ZFHX4: variants seen among roughly 807,000 people sequenced by gnomAD.
The protein encoded by ZFHX4 is zinc finger homeobox protein 4.
In ZFHX4, 56 loss-of-function variants were observed where a neutral mutation model predicts 267.6. The ratio of observed to expected loss-of-function variants is 0.21; its 90% CI spans 0.17 to 0.26. The LOEUF is 0.26. ZFHX4 is among the 10% of genes least tolerant of loss of function. The probability of loss-of-function intolerance (pLI) is 1.00; values close to 1 mark genes in which losing one functional copy is unlikely to be tolerated. For missense variants in ZFHX4, 4,332 were observed against 4,420.0 expected (o/e 0.98, Z 0.56); for synonymous variants, 1,778 against 1,665.6 (o/e 1.07, Z -1.64).
At chr8:76,788,360 C>A (rs1407929160) in intron 4 of ZFHX4, among the ~76,000 whole-genome samples, 1 of 152,190 alleles carries the variant, frequency 6.6e-6, no homozygotes, top group Non-Finnish European at 1.5e-5. Flanking sequence ...TGCTATACAT[C>A]CCTCATCAGT....
At chr8:76,763,802 T>TA (rs1186300476) in intron 3 of ZFHX4, among the ~76,000 whole-genome samples, 1 of 152,132 alleles carries the variant, frequency 6.6e-6, no homozygotes, top group Non-Finnish European at 1.5e-5. Context: ...ATAAGCTGCT[T>TA]AAAATGTATA....
At chr8:76,790,082 C>A (rs1810794355) in intron 4 of ZFHX4, among the ~76,000 whole-genome samples, 1 of 151,978 alleles carries the variant, frequency 6.6e-6, no homozygotes, top group Admixed American at 6.6e-5. Context: ...TATTGAAAAG[C>A]CTGGACAATT....
chr8:76,827,269 C>T (rs929077639), intron 4 of ZFHX4, among the ~76,000 whole-genome samples: 2 of 152,210 alleles, frequency 1.3e-5, no homozygotes, highest in South Asian at 4.1e-4. Context: ...TAATAGGGTT[C>T]ATGCTACTGT....
At position 76,801,114 on chromosome 8, in the gene ZFHX4, G is replaced by A. The variant is rs77204640; in HGVS notation, c.3325+22675G>A. Among the ~76,000 whole-genome samples, 1,117 of 151,892 alleles carry A rather than the reference G, an allele frequency of 7.4e-3. 19 individuals carry two copies. Among genetic ancestry groups the A allele is most frequent in the African/African-American group, 0.024 (982 of 41,428 alleles). ...TGTTCTGTAGCACACGTGAATTTTT[G>A]ACTTAATTGACTGGAGAGAATGGAC... On this transcript the variant is annotated intron_variant, in intron 4 of 10. Transcript: ENST00000651372.
chr8:76,816,741 G>A (rs191733468), intron 4 of ZFHX4, among the ~76,000 whole-genome samples: 6 of 151,830 alleles, frequency 4.0e-5, no homozygotes, highest in East Asian at 3.9e-4. Flanking sequence ...GATTACAGGC[G>A]CCTGCAACCA....
chr8:76,855,640 C>A lies in ZFHX4; in HGVS notation c.8719C>A (p.Pro2907Thr), dbSNP rs746704068. ...CAGCGAAACGTCCAGCATAGCGGACCCGAGCTCCCCAAATCCATTCGGATC... is the reference window on the plus strand; with the variant it reads ...CAGCGAAACGTCCAGCATAGCGGACACGAGCTCCCCAAATCCATTCGGATC... The part of the protein sequence containing the change: ...DRSETSSIAD[P>T]SSPNPFGSSN... Residue 2907 changes from proline to threonine, a missense_variant, in exon 10 of 11, where the codon CCG becomes ACG. Transcript: ENST00000651372. 1.2e-6 allele frequency: 2 copies of A among 1,613,746 alleles called. No homozygotes were observed. The highest frequency in any genetic ancestry group is 1.7e-6 in the Non-Finnish European group (2 of 1,179,852).
At chr8:76,755,924 A>G (rs1223171776) in intron 3 of ZFHX4, among the ~76,000 whole-genome samples, 1 of 152,152 alleles carries the variant, frequency 6.6e-6, no homozygotes, top group Non-Finnish European at 1.5e-5. Flanking sequence ...TGTGACCTCA[A>G]AATATCCTCA....
intron 5 of ZFHX4, among the ~76,000 whole-genome samples, chr8:76,837,981 T>C (rs1197793733): frequency 6.6e-6 from 1 of 152,232 alleles, no homozygotes; most frequent in African/African-American, 2.4e-5. Context: ...TTTGTGTATG[T>C]TATTCCATAA....
chr8:76,686,944 C>G (rs189763129), intron 1 of ZFHX4, among the ~76,000 whole-genome samples: 18 of 152,306 alleles, frequency 1.2e-4, no homozygotes, highest in African/African-American at 3.6e-4. Context: ...GGGTTTCCCC[C>G]CCTTCTAAGA....
intron 4 of ZFHX4, among the ~76,000 whole-genome samples, chr8:76,830,771 G>A (rs189592774): frequency 6.6e-6 from 1 of 152,232 alleles, no homozygotes; most frequent in Non-Finnish European, 1.5e-5. Flanking sequence ...ATCAAATGAA[G>A]TAACTTTAAT....
At chr8:76,741,721 A>G (rs74443612) in intron 3 of ZFHX4, among the ~76,000 whole-genome samples, 3,545 of 152,290 alleles carry the variant, frequency 0.023, 67 homozygotes, top group Non-Finnish European at 0.033. Context: ...AGACACCTTA[A>G]AAATAATCAG....
intron 3 of ZFHX4, among the ~76,000 whole-genome samples, chr8:76,746,510 A>T (rs1310906784): frequency 1.3e-5 from 2 of 152,236 alleles, no homozygotes; most frequent in Non-Finnish European, 2.9e-5. Context: ...TCATTTTCAG[A>T]ACTTCATTCT....
chr8:76,695,157 C>T (rs950332147), intron 1 of ZFHX4, among the ~76,000 whole-genome samples: 1 of 152,104 alleles, frequency 6.6e-6, no homozygotes, highest in Non-Finnish European at 1.5e-5. Flanking sequence ...AGGCACATTT[C>T]TGGAGACATT....
intron 1 of ZFHX4, among the ~76,000 whole-genome samples, chr8:76,688,997 A>G (rs535554351): frequency 1.3e-5 from 2 of 152,274 alleles, no homozygotes; most frequent in African/African-American, 4.8e-5. Flanking sequence ...ACTCTTGAGT[A>G]CAGCATATTG....
chr8:76,754,499 A>C (rs1354184151), intron 3 of ZFHX4, among the ~76,000 whole-genome samples: 1 of 152,088 alleles, frequency 6.6e-6, no homozygotes, highest in African/African-American at 2.4e-5. Flanking sequence ...AAAAAAACAA[A>C]ACAAAAAACA....
chr8:76,748,900 T>A (rs1809541006), intron 3 of ZFHX4, among the ~76,000 whole-genome samples: 2 of 152,210 alleles, frequency 1.3e-5, no homozygotes, highest in Non-Finnish European at 2.9e-5. Context: ...CCATTTCAAC[T>A]TATATAAAAG....
intron 4 of ZFHX4, among the ~76,000 whole-genome samples, chr8:76,803,549 A>G (rs1034796336): frequency 6.6e-6 from 1 of 152,124 alleles, no homozygotes; most frequent in Non-Finnish European, 1.5e-5. Flanking sequence ...AGTGGAGGAC[A>G]GTGTAGTCAA....
intron 4 of ZFHX4, among the ~76,000 whole-genome samples, chr8:76,822,870 T>C (rs565723987): frequency 1.3e-5 from 2 of 152,302 alleles, no homozygotes; most frequent in East Asian, 3.9e-4. Flanking sequence ...TGTCATTTAC[T>C]CACAAGTCAT....
chr8:76,846,286 A>G (rs1267537657), intron 6 of ZFHX4, among the ~76,000 whole-genome samples: 2 of 152,020 alleles, frequency 1.3e-5, no homozygotes, highest in Non-Finnish European at 2.9e-5. Flanking sequence ...CCACATCTCA[A>G]TATTCTCTAC....
Sources: allele counts gnomAD v4.1 joint callset (sites outside exome capture counted in the v4.1 genomes callset), GRCh38; gene constraint gnomAD v4.1.1; transcripts MANE v1.5; gene names NCBI Gene and HGNC (gene_info 2026-07-23, HGNC 2026-07-21).